Variants in ESR1 observed in about 807,000 individuals in gnomAD.
ESR1 encodes the protein estrogen receptor.
Under a neutral mutation model 52.7 loss-of-function variants are expected in ESR1, and 12 were observed. The ratio of observed to expected loss-of-function variants is 0.23; its 90% CI spans 0.15 to 0.37. The LOEUF is 0.37. Among genes scored for constraint, ESR1 ranks in the 10% least tolerant of loss-of-function variants. The probability of loss-of-function intolerance (pLI) is 1.00; values close to 1 mark genes in which losing one functional copy is unlikely to be tolerated. For synonymous variants in ESR1, 305 were observed against 316.8 expected (o/e 0.96, Z 0.39); for missense variants, 584 against 779.7 (o/e 0.75, Z 2.99).
chr6:152,093,551 T>A (rs2050373578), intron 6 of ESR1, among the ~76,000 whole-genome samples: 1 of 152,150 alleles, frequency 6.6e-6, no homozygotes, highest in African/African-American at 2.4e-5. Flanking sequence ...AGGCTCTTAT[T>A]TTCTGGCTTG....
intron 3 of ESR1, among the ~76,000 whole-genome samples, chr6:151,906,840 A>C (rs1198424633): frequency 6.6e-6 from 1 of 151,296 alleles, no homozygotes; most frequent in South Asian, 2.1e-4. Flanking sequence ...TGGACGCTAT[A>C]AAGTTATTTG....
At chr6:152,014,276 G>T (rs904127921) in intron 5 of ESR1, among the ~76,000 whole-genome samples, 2 of 151,620 alleles carry the variant, frequency 1.3e-5, no homozygotes, top group Non-Finnish European at 2.9e-5. Flanking sequence ...TGCATTTTAG[G>T]ATGTTTAACA....
At chr6:151,892,128 A>G (rs1231865412) in intron 3 of ESR1, among the ~76,000 whole-genome samples, 1 of 152,172 alleles carries the variant, frequency 6.6e-6, no homozygotes, top group Admixed American at 6.5e-5. Context: ...CTCTTTACCT[A>G]CTACCTAGGA....
intron 2 of ESR1, among the ~76,000 whole-genome samples, chr6:151,849,527 C>T (rs1317110313): frequency 6.6e-6 from 1 of 151,846 alleles, no homozygotes. Flanking sequence ...GCCTGTAATC[C>T]CAGCTACTCA....
intron 4 of ESR1, among the ~76,000 whole-genome samples, chr6:151,956,101 C>T (rs1313695277): frequency 1.3e-5 from 2 of 152,004 alleles, no homozygotes; most frequent in Admixed American, 6.6e-5. Context: ...GTATATGTAC[C>T]ACATTTTCTT....
chr6:151,755,328 G>C (rs1205445174), intron 2 of ESR1, among the ~76,000 whole-genome samples: 1 of 150,832 alleles, frequency 6.6e-6, no homozygotes, highest in Admixed American at 6.6e-5. Flanking sequence ...GTCCTATCTT[G>C]ATTTATGGCA....
downstream of ESR1, among the ~76,000 whole-genome samples, chr6:152,105,775 CT>C (rs71017522): frequency 4.7e-4 from 37 of 79,436 alleles, no homozygotes; most frequent in East Asian, 1.3e-3. Flanking sequence ...CAGTATGCAT[CT>C]TTTTTTTTTT....
chr6:151,767,474 C>T (rs1466612593), intron 2 of ESR1, among the ~76,000 whole-genome samples: 1 of 152,026 alleles, frequency 6.6e-6, no homozygotes, highest in Non-Finnish European at 1.5e-5. Context: ...AATCTCCTCT[C>T]AGGACAGTTT....
At chr6:151,667,595 A>T (rs1279564982) in intron 1 of ESR1, among the ~76,000 whole-genome samples, 1 of 152,184 alleles carries the variant, frequency 6.6e-6, no homozygotes, top group East Asian at 1.9e-4. Context: ...GCTTGCAAAG[A>T]CCCTGAAGAT....
chr6:151,779,456 A>C (rs2221976), intron 2 of ESR1, among the ~76,000 whole-genome samples: 13,271 of 152,228 alleles, frequency 0.087, 702 homozygotes, highest in African/African-American at 0.1. Context: ...TAGAGAAATG[A>C]AAATCAAAAC....
At chr6:152,006,779 C>G (rs2042365952) in intron 4 of ESR1, among the ~76,000 whole-genome samples, 1 of 151,980 alleles carries the variant, frequency 6.6e-6, no homozygotes, top group African/African-American at 2.4e-5. Context: ...TTTTGGAGAA[C>G]ATTGGGGTCA....
chr6:151,700,668 CTTTTTTTTT>C (rs34905961), intron 1 of ESR1, among the ~76,000 whole-genome samples: 2 of 117,224 alleles, frequency 1.7e-5, no homozygotes, highest in Admixed American at 9.0e-5. Context: ...TTAAACTTTC[CTTTTTTTTT>C]TTTTTTTTTT....
chr6:151,928,407 T>C (rs185058907), intron 3 of ESR1, among the ~76,000 whole-genome samples: 1 of 152,204 alleles, frequency 6.6e-6, no homozygotes, highest in Non-Finnish European at 1.5e-5. Context: ...GGCTTGCTGC[T>C]GCTGCCCAGC....
In ESR1 at chr6:151,842,581, GT is replaced by G. The variant is rs59849288; in HGVS notation, c.453-9del. The G allele has an allele frequency of 5.2e-4, 832 of 1,610,458 alleles. 4 individuals are homozygous for G. Among genetic ancestry groups the G allele is most frequent in the East Asian group, 2.2e-4 (10 of 44,712 alleles). On this transcript the variant is annotated splice_polypyrimidine_tract_variant and intron_variant, in intron 1 of 7. Transcript: ENST00000206249. Reference sequence around the variant, plus strand: ...CTTTTCTAATGTTAATGGATTTACTGTTTTTTTCCCCCCAGGCCAAATTCAG... The same window carrying G: ...CTTTTCTAATGTTAATGGATTTACTGTTTTTTCCCCCCAGGCCAAATTCAG...
chr6:152,072,319 GTCTTATC>G (rs948000897), intron 6 of ESR1, among the ~76,000 whole-genome samples: 23 of 152,194 alleles, frequency 1.5e-4, no homozygotes, highest in African/African-American at 5.5e-4. Flanking sequence ...TGCATTTTAT[GTCTTATC>G]CTCTGTTTTG....
intron 2 of ESR1, among the ~76,000 whole-genome samples, chr6:151,766,422 A>C (rs1357136511): frequency 3.3e-5 from 5 of 152,168 alleles, no homozygotes; most frequent in Admixed American, 3.3e-4. Flanking sequence ...CGGAGGTTGC[A>C]GTGAGCCAAG....
chr6:151,824,149 T>C (rs1781064479), intron 1 of ESR1, among the ~76,000 whole-genome samples: 2 of 152,310 alleles, frequency 1.3e-5, no homozygotes, highest in South Asian at 4.2e-4. Flanking sequence ...TCCTGACTTT[T>C]TAATGATTGC....
intron 2 of ESR1, among the ~76,000 whole-genome samples, chr6:151,754,505 C>T (rs114606557): frequency 0.015 from 2,226 of 152,308 alleles, 50 homozygotes; most frequent in African/African-American, 0.041. Flanking sequence ...CATATTACAG[C>T]AGCAGTCAGC....
rs755667747 is a variant in ESR1 at position 151,944,288 on chromosome 6, GC to G, written c.878del (p.Pro293GlnfsTer5). 6.2e-7 allele frequency: 1 copy of G among 1,614,156 alleles called. No homozygotes were observed. Among genetic ancestry groups the G allele is most frequent in the Non-Finnish European group, 8.5e-7 (1 of 1,180,024 alleles). ...AGDMRAANLW[P>X]SPLMIKRSKK... The stretch of plus-strand genomic sequence containing the variant: ...GAGACATGAGAGCTGCCAACCTTTG[GC>G]CAAGCCCGCTCATGATCAAACGCTC... On this transcript the variant is annotated frameshift_variant, in exon 4 of 8. Coordinates refer to ENST00000206249, the MANE Select transcript of ESR1 (RefSeq NM_000125.4). LOFTEE classifies it high-confidence loss of function.
Sources: gnomAD v4.1 joint callset for allele counts (sites outside exome capture counted in the v4.1 genomes callset) on GRCh38, gnomAD v4.1.1 for gene constraint, MANE v1.5 for transcripts, NCBI Gene and HGNC (gene_info 2026-07-23, HGNC 2026-07-21) for gene names.